RBFOX1: variants seen among roughly 807,000 people sequenced by gnomAD.
RBFOX1 encodes RNA binding protein fox-1 homolog 1.
RBFOX1 carries 8 observed loss-of-function variants against 57.7 expected under a neutral mutation model. The observed-to-expected ratio is 0.14, with a 90% CI of 0.08 to 0.25. The LOEUF is 0.25. Among genes scored for constraint, RBFOX1 ranks in the 10% least tolerant of loss-of-function variants. The pLI, the probability that RBFOX1 is intolerant of heterozygous loss-of-function variation, is 1.00. For synonymous variants in RBFOX1, 326 were observed against 222.4 expected (o/e 1.47, Z -4.15); for missense variants, 611 against 548.5 (o/e 1.11, Z -1.14).
At chr16:6,092,871 G>T (rs1419252436) in intron 1 of RBFOX1, 3 of 152,090 alleles carry the variant, frequency 2.0e-5, no homozygotes, top group Non-Finnish European at 4.4e-5. Flanking sequence ...TGACTATTCA[G>T]GCTCTTTTTT....
intron 3 of RBFOX1, among the ~76,000 whole-genome samples, chr16:6,954,814 C>A (rs2081427088): frequency 1.3e-5 from 2 of 152,110 alleles, no homozygotes; most frequent in African/African-American, 4.8e-5. Context: ...AGGGTTCGAA[C>A]CTCATTTCTG....
At chr16:7,651,372 C>A (rs1227309582) in intron 11 of RBFOX1, among the ~76,000 whole-genome samples, 1 of 152,186 alleles carries the variant, frequency 6.6e-6, no homozygotes, top group Non-Finnish European at 1.5e-5. Flanking sequence ...TACAAACATA[C>A]CCTATCTATG....
intron 4 of RBFOX1, among the ~76,000 whole-genome samples, chr16:7,514,753 C>G (rs2075980676): frequency 6.6e-6 from 1 of 152,152 alleles, no homozygotes; most frequent in Non-Finnish European, 1.5e-5. Flanking sequence ...CCATAAGCTT[C>G]TGGAAGGCAT....
intron 3 of RBFOX1, among the ~76,000 whole-genome samples, chr16:6,978,836 A>C (rs950144102): frequency 5.9e-5 from 9 of 152,196 alleles, no homozygotes; most frequent in Non-Finnish European, 1.2e-4. Flanking sequence ...AAATGCCTTC[A>C]ATCCCCTTCG....
intron 3 of RBFOX1, among the ~76,000 whole-genome samples, chr16:6,805,170 A>G (rs975362739): frequency 6.6e-6 from 1 of 152,118 alleles, no homozygotes; most frequent in Non-Finnish European, 1.5e-5. Flanking sequence ...GATTGGCTAA[A>G]GAAAATGTGG....
intron 2 of RBFOX1, among the ~76,000 whole-genome samples, chr16:5,565,854 G>T (rs2046049072): frequency 1.3e-5 from 2 of 151,898 alleles, no homozygotes; most frequent in Admixed American, 1.3e-4. Context: ...TGGTTTGGCT[G>T]CGTCCCTACC....
rs139165376 is a variant in RBFOX1 at position 6,528,858 on chromosome 16, G to A, written c.-63-125745G>A. Among the ~76,000 whole-genome samples the A allele has an allele frequency of 3.8e-3, 585 of 152,270 alleles. 5 individuals carry two copies. The highest frequency in any genetic ancestry group is 6.5e-3 in the Non-Finnish European group (442 of 67,996). On this transcript the variant is annotated intron_variant, in intron 2 of 15. Transcript: ENST00000550418. ...AGGCCAGGTTGTGCCAAACAAAAAT[G>A]TCTCCAGGCATTCCCAAATGTCTCC...
intron 2 of RBFOX1, among the ~76,000 whole-genome samples, chr16:6,503,835 G>C (rs141732710): frequency 1.0e-3 from 159 of 152,278 alleles, no homozygotes; most frequent in African/African-American, 3.8e-3. Flanking sequence ...GATGGGATAA[G>C]TTTGTGGCCA....
In RBFOX1 at chr16:7,710,891, T is replaced by A; in HGVS notation, c.*146T>A. On this transcript the variant is annotated 3_prime_UTR_variant, in exon 16 of 16. Coordinates refer to ENST00000550418, the MANE Select transcript of RBFOX1 (RefSeq NM_018723.4). Reference sequence around the variant, plus strand: ...AAAAAGGAAAAAAAATTACATTTTTTATCTTATACCTCAGATATTTTGTTC... The same window carrying A: ...AAAAAGGAAAAAAAATTACATTTTTAATCTTATACCTCAGATATTTTGTTC... 1 of 849,472 alleles carries A rather than the reference T, an allele frequency of 1.2e-6. No individual in the cohort carries two copies. The highest frequency in any genetic ancestry group is 3.3e-5 in the East Asian group (1 of 30,562). 52.6% of individuals were successfully genotyped at this position (849,472 alleles called of 1,614,324 possible). A position where few individuals can be genotyped will look rare whatever the true frequency, so the allele number is the denominator to read the frequency against.
intron 4 of RBFOX1, among the ~76,000 whole-genome samples, chr16:7,175,568 G>A (rs1044145365): frequency 6.6e-6 from 1 of 152,092 alleles, no homozygotes; most frequent in African/African-American, 2.4e-5. Flanking sequence ...AGGGCTCATA[G>A]GCAAAGGATC....
At chr16:7,533,796 G>A (rs1376188108) in intron 5 of RBFOX1, among the ~76,000 whole-genome samples, 1 of 152,170 alleles carries the variant, frequency 6.6e-6, no homozygotes, top group African/African-American at 2.4e-5. Context: ...TACTGACCTT[G>A]ATTTAAACAA....
chr16:7,241,604 T>G (rs1490324856), intron 4 of RBFOX1, among the ~76,000 whole-genome samples: 2 of 152,166 alleles, frequency 1.3e-5, no homozygotes, highest in African/African-American at 4.8e-5. Flanking sequence ...AAATGTTTTA[T>G]CTGGAATTTA....
At chr16:7,315,460 C>T (rs578139787) in intron 4 of RBFOX1, among the ~76,000 whole-genome samples, 4 of 151,176 alleles carry the variant, frequency 2.6e-5, no homozygotes, top group East Asian at 1.9e-4. Context: ...TACCCTACCC[C>T]CCCCCCCATA....
intron 4 of RBFOX1, among the ~76,000 whole-genome samples, chr16:7,142,174 C>G (rs113431816): frequency 0.032 from 4,860 of 152,148 alleles, 252 homozygotes; most frequent in African/African-American, 0.11. Context: ...CGAGCACACA[C>G]CACCACACCT....
intron 4 of RBFOX1, among the ~76,000 whole-genome samples, chr16:5,943,616 T>G (rs2059326467): frequency 6.6e-6 from 1 of 152,166 alleles, no homozygotes; most frequent in African/African-American, 2.4e-5. Context: ...GGTGCTTGTC[T>G]TCTCTGCATC....
At chr16:7,295,743 G>A (rs1266233361) in intron 4 of RBFOX1, among the ~76,000 whole-genome samples, 1 of 152,006 alleles carries the variant, frequency 6.6e-6, no homozygotes, top group African/African-American at 2.4e-5. Context: ...ACCAGAAAGA[G>A]TTCCCAAATA....
chr16:7,041,895 A>G (rs1374766802), intron 3 of RBFOX1, among the ~76,000 whole-genome samples: 1 of 151,142 alleles, frequency 6.6e-6, no homozygotes, highest in East Asian at 2.0e-4. Flanking sequence ...ATAAAATTAG[A>G]CACTTTGCAG....
intron 1 of RBFOX1, among the ~76,000 whole-genome samples, chr16:6,226,439 C>T (rs1479862665): frequency 6.6e-6 from 1 of 151,452 alleles, no homozygotes; most frequent in Non-Finnish European, 1.5e-5. Context: ...GTAAGCCTGT[C>T]TATGTCTTTC....
chr16:5,691,341 C>CTGA (rs1393958535), intron 3 of RBFOX1, among the ~76,000 whole-genome samples: 1 of 152,178 alleles, frequency 6.6e-6, no homozygotes, highest in African/African-American at 2.4e-5. Context: ...CTGATCTGTG[C>CTGA]TGATGCAAGA....
Sources: gnomAD v4.1 joint callset for allele counts (sites outside exome capture counted in the v4.1 genomes callset) on GRCh38, gnomAD v4.1.1 for gene constraint, MANE v1.5 for transcripts, NCBI Gene and HGNC (gene_info 2026-07-23, HGNC 2026-07-21) for gene names.